Variants in KCNIP4 observed in about 807,000 individuals in gnomAD.
KCNIP4 encodes Kv channel-interacting protein 4.
In KCNIP4, 12 loss-of-function variants were observed where a neutral mutation model predicts 34.0. The ratio of observed to expected loss-of-function variants is 0.35; its 90% confidence interval spans 0.23 to 0.57. The LOEUF (loss-of-function observed/expected upper bound fraction) is 0.57, where lower values mean the gene tolerates loss of function less well. Among genes scored for constraint, KCNIP4 ranks in the 20% least tolerant of loss-of-function variants. The pLI is 0.83. For missense variants in KCNIP4, 238 were observed against 311.7 expected, an observed-to-expected ratio of 0.76 and a Z score of 1.78; for synonymous variants, 124 against 102.2, an observed-to-expected ratio of 1.21 and a Z score of -1.29.
chr4:20,745,874 G>A (rs753827289), intron 5 of KCNIP4, among the ~76,000 whole-genome samples: 1 of 152,086 alleles, frequency 6.6e-6, no homozygotes, highest in Non-Finnish European at 1.5e-5. Context: ...TTGCCTTACT[G>A]GGTAATGAGA....
intron 1 of KCNIP4, among the ~76,000 whole-genome samples, chr4:21,334,303 C>T (rs921714303): frequency 1.3e-5 from 2 of 151,860 alleles, no homozygotes; most frequent in Non-Finnish European, 1.5e-5. Context: ...TTAAAATGCC[C>T]ACTATGTACT....
intron 1 of KCNIP4, among the ~76,000 whole-genome samples, chr4:21,783,437 G>C (rs1238628281): frequency 6.6e-6 from 1 of 152,060 alleles, no homozygotes; most frequent in African/African-American, 2.4e-5. Flanking sequence ...ATGTGGATTG[G>C]GGCAGGCAGG....
intron 2 of KCNIP4, among the ~76,000 whole-genome samples, chr4:20,880,976 G>A (rs1724618086): frequency 6.6e-6 from 1 of 152,278 alleles, no homozygotes; most frequent in Admixed American, 6.5e-5. Context: ...TTGGCTTAGT[G>A]CTAACGAAAG....
At chr4:21,689,073 G>A (rs774500113) in intron 1 of KCNIP4, among the ~76,000 whole-genome samples, 4 of 151,942 alleles carry the variant, frequency 2.6e-5, no homozygotes, top group Admixed American at 1.3e-4. Context: ...GGGCAACTGG[G>A]AATCATGAAG....
intron 1 of KCNIP4, among the ~76,000 whole-genome samples, chr4:21,561,792 T>A (rs954274706): frequency 2.6e-5 from 4 of 151,982 alleles, no homozygotes; most frequent in African/African-American, 9.7e-5. Context: ...ATACATTACA[T>A]CCTTTAATCG....
At chr4:20,938,290 C>G (rs1003044692) in intron 1 of KCNIP4, among the ~76,000 whole-genome samples, 3 of 151,404 alleles carry the variant, frequency 2.0e-5, no homozygotes, top group Non-Finnish European at 4.4e-5. Flanking sequence ...CCCAGAAAAG[C>G]TCTTGTAAAC....
intron 3 of KCNIP4, among the ~76,000 whole-genome samples, chr4:20,765,731 A>G (rs988568233): frequency 6.6e-6 from 1 of 152,056 alleles, no homozygotes; most frequent in African/African-American, 2.4e-5. Context: ...TGCCTGTGAA[A>G]CCCTTCACTG....
intron 1 of KCNIP4, among the ~76,000 whole-genome samples, chr4:21,770,103 T>C (rs79069724): frequency 0.15 from 22,575 of 151,732 alleles, 5,639 homozygotes; most frequent in African/African-American, 0.51. Context: ...GACTTTTCCT[T>C]TAAGTTCCCT....
At chr4:21,058,634 C>T (rs1743633006) in intron 1 of KCNIP4, among the ~76,000 whole-genome samples, 1 of 152,098 alleles carries the variant, frequency 6.6e-6, no homozygotes, top group South Asian at 2.1e-4. Context: ...ACTAAGCCTC[C>T]AGTAGAGCCT....
intron 1 of KCNIP4, among the ~76,000 whole-genome samples, chr4:20,906,556 C>G (rs964194201): frequency 6.6e-6 from 1 of 152,124 alleles, no homozygotes; most frequent in Non-Finnish European, 1.5e-5. Context: ...CATTTGCTCC[C>G]CCTTGCCTTC....
chr4:21,482,586 C>G (rs1731528356), intron 1 of KCNIP4, among the ~76,000 whole-genome samples: 1 of 151,676 alleles, frequency 6.6e-6, no homozygotes, highest in African/African-American at 2.4e-5. Flanking sequence ...AGTTTGGCTG[C>G]ATATGAAATT....
intron 1 of KCNIP4, among the ~76,000 whole-genome samples, chr4:21,830,682 A>G (rs1241584961): frequency 6.6e-6 from 1 of 152,120 alleles, no homozygotes; most frequent in Non-Finnish European, 1.5e-5. Flanking sequence ...TCAAACAAAC[A>G]AACAAACAAA....
Position 20,779,580 on chromosome 4 carries a change from C to A in KCNIP4, c.289-20690G>T, listed in dbSNP as rs1175085636. ...ACAAGTCCCCCCTGCCCCACAACCC[C>A]CCCCCCCCACACAAAAAAGAAATGA... On this transcript the variant is annotated intron_variant, in intron 3 of 8. Coordinates refer to ENST00000382152, the MANE Select transcript of KCNIP4 (RefSeq NM_025221.6). Among the ~76,000 whole-genome samples, 313 of 131,212 alleles carry A rather than the reference C, an allele frequency of 2.4e-3. 7 individuals carry two copies. The South Asian group carries it at 0.036, about 15-fold the overall frequency. The allele number at this position is 131,212 out of a possible 152,430, so 86.1% of individuals were successfully genotyped here. A position where few individuals can be genotyped will look rare whatever the true frequency, so the allele number is the denominator to read the frequency against.
In KCNIP4 at chr4:21,729,293, G is replaced by A. The variant is rs567441410; in HGVS notation, c.61+219278C>T. 5.3e-5 allele frequency among the ~76,000 whole-genome samples: 8 copies of A among 152,190 alleles called. No homozygotes were observed. In the South Asian group the frequency reaches 1.7e-3, roughly 32 times the overall value. On this transcript the variant is annotated intron_variant, in intron 1 of 8. Transcript: ENST00000382152. Reference sequence around the variant, plus strand: ...ACAGAATCTTCTTATTTCATTATTAGAAACACTTTTGCATTCAGTTTACCA... The same window carrying A: ...ACAGAATCTTCTTATTTCATTATTAAAAACACTTTTGCATTCAGTTTACCA...
chr4:21,525,107 G>T (rs1735863421), intron 1 of KCNIP4, among the ~76,000 whole-genome samples: 1 of 151,978 alleles, frequency 6.6e-6, no homozygotes, highest in African/African-American at 2.4e-5. Flanking sequence ...TCAATAAAGA[G>T]CCACTTATTA....
rs923663443 is a variant in KCNIP4, at chr4:21,309,364, A to G, written c.62-426655T>C. ...TTGTGGTCCAGGTACTATATAAGCC[A>G]GTATGAGTAATAAAAAGATGAATAC... On this transcript the variant is annotated intron_variant, in intron 1 of 8. Transcript: ENST00000382152. Among the ~76,000 whole-genome samples, 7 of 151,292 alleles carry G rather than the reference A, an allele frequency of 4.6e-5. No individual in the cohort carries two copies. In the East Asian group the frequency reaches 1.4e-3, roughly 30 times the overall value.
chr4:21,847,862 T>A (rs1003019539), intron 1 of KCNIP4: 2 of 152,136 alleles, frequency 1.3e-5, no homozygotes, highest in Non-Finnish European at 2.9e-5. Flanking sequence ...TCTTTGTCTC[T>A]CTTTGCTCAG....
intron 1 of KCNIP4, among the ~76,000 whole-genome samples, chr4:21,453,047 T>G (rs1307447842): frequency 1.3e-5 from 2 of 152,104 alleles, no homozygotes; most frequent in African/African-American, 2.4e-5. Context: ...ATTTTCTAAT[T>G]CCTTATGGCC....
At chr4:21,243,088 T>G (rs1438878494) in intron 1 of KCNIP4, among the ~76,000 whole-genome samples, 2 of 152,170 alleles carry the variant, frequency 1.3e-5, no homozygotes, top group Non-Finnish European at 2.9e-5. Context: ...ATATCAGATT[T>G]ATAGATATTA....
Sources: allele counts gnomAD v4.1 joint callset (sites outside exome capture counted in the v4.1 genomes callset), GRCh38; gene constraint gnomAD v4.1.1; transcripts MANE v1.5; gene names NCBI Gene and HGNC (gene_info 2026-07-23, HGNC 2026-07-21).